CUL4B: variants seen among roughly 807,000 people sequenced by gnomAD.
CUL4B encodes cullin-4B.
CUL4B carries 1 observed loss-of-function variant against 69.2 expected under a neutral mutation model. That is an observed-to-expected ratio of 0.01 (90% confidence interval 0.01 to 0.07). CUL4B has a LOEUF of 0.07. Ranked by LOEUF, CUL4B falls within the 10% of genes least tolerant of loss-of-function variation. The pLI, the probability that CUL4B is intolerant of heterozygous loss-of-function variation, is 1.00. For synonymous variants in CUL4B, 237 were observed against 223.2 expected, an observed-to-expected ratio of 1.06 and a Z score of -0.55; for missense variants, 328 against 638.8, an observed-to-expected ratio of 0.51 and a Z score of 5.24.
At chrX:120,563,355 T>C (rs955192778), upstream of CUL4B, among the ~76,000 whole-genome samples, 2 of 112,122 alleles carry the variant, frequency 1.8e-5, no homozygotes. Context: ...TGCGTCAGCC[T>C]TCTTGAGTAC....
upstream of CUL4B, among the ~76,000 whole-genome samples, chrX:120,565,465 C>T (rs1275791713): frequency 9.2e-6 from 1 of 108,543 alleles, no homozygotes; most frequent in African/African-American, 3.4e-5. Context: ...GGGTGGATCA[C>T]TTGGCCAGGA....
At chrX:120,553,987 T>C (rs1924830462) in intron 2 of CUL4B, among the ~76,000 whole-genome samples, 1 of 111,662 alleles carries the variant, frequency 9.0e-6, no homozygotes. Flanking sequence ...TCAATTTCGC[T>C]AATGGTGTCT....
chrX:120,529,970 A>G, intron 19 of CUL4B, 132 bp downstream of exon 19: 1 of 688,690 alleles, frequency 1.5e-6, no homozygotes, highest in Non-Finnish European at 2.2e-6. Flanking sequence ...CATATGCATC[A>G]ACATGGGAAA....
downstream of CUL4B, among the ~76,000 whole-genome samples, chrX:120,569,953 A>G (rs1925667527): frequency 8.9e-6 from 1 of 111,927 alleles, no homozygotes; most frequent in African/African-American, 3.3e-5. Flanking sequence ...AGAGTAAGGC[A>G]CATTCAGGAC....
At chrX:120,545,151 T>G (rs937847092) in intron 5 of CUL4B, among the ~76,000 whole-genome samples, 1 of 112,004 alleles carries the variant, frequency 8.9e-6, no homozygotes, top group Non-Finnish European at 1.9e-5. Flanking sequence ...AGTGAACTCT[T>G]GATGGTCAGC....
At chrX:120,562,646 G>A (rs1925370742), upstream of CUL4B, among the ~76,000 whole-genome samples, 1 of 112,049 alleles carries the variant, frequency 8.9e-6, no homozygotes, top group Non-Finnish European at 1.9e-5. Flanking sequence ...TTTATGCTGT[G>A]TCTCAAAGTG....
chrX:120,540,430 T>A lies in CUL4B; in HGVS notation c.1576A>T (p.Met526Leu), dbSNP rs1923921519. Residue 526 changes from methionine to leucine, a missense_variant, in exon 11 of 20, where the codon ATG becomes TTG. Transcript: ENST00000371322. ...ATGAACGTTTCAAATGCTTCTTTCA[T>A]GGCATTGATAAATTTCTCATTCTTC... ...FLKNEKFINA[M>L]KEAFETFINK... is the part of the protein sequence containing the mutation. 1 of 1,207,585 alleles carries A rather than the reference T, an allele frequency of 8.3e-7. No individual in the cohort carries two copies. Among genetic ancestry groups the A allele is most frequent in the Non-Finnish European group, 1.1e-6 (1 of 892,875 alleles).
intron 10 of CUL4B, 39 bp from the exon 11 acceptor site, chrX:120,540,601 T>G (rs777992293): frequency 2.1e-6 from 2 of 971,579 alleles, no homozygotes; most frequent in African/African-American, 1.9e-5. Flanking sequence ...GTAATCGAAT[T>G]GTCTACAATG....
chrX:120,533,781 G>A (rs938690072), intron 17 of CUL4B, among the ~76,000 whole-genome samples: 8 of 111,740 alleles, frequency 7.2e-5, no homozygotes, highest in African/African-American at 2.6e-4. Context: ...TATATAAAGA[G>A]TTCTGGCCAG....
upstream of CUL4B, among the ~76,000 whole-genome samples, chrX:120,563,206 C>A (rs143430595): frequency 2.3e-3 from 261 of 111,860 alleles, 1 homozygote; most frequent in African/African-American, 8.0e-3. Context: ...GCACTCCTAT[C>A]TGTTTTGAAT....
Position 120,526,374 on chromosome X carries a change from G to A in CUL4B, c.*387C>T, listed in dbSNP as rs1209704908. ...TAAATAAAGTTTGCATGCAGTTTAA[G>A]TATCTTTAAATGACATTTTAAGCAA... On this transcript the variant is annotated 3_prime_UTR_variant, in exon 20 of 20. Coordinates refer to ENST00000371322, the MANE Select transcript of CUL4B (RefSeq NM_001079872.2). 1 of 163,162 alleles carries A rather than the reference G, an allele frequency of 6.1e-6. No individual in the cohort carries two copies. The highest frequency in any genetic ancestry group is 1.2e-5 in the Non-Finnish European group (1 of 85,807). 13.4% of individuals were successfully genotyped at this position (163,162 alleles called of 1,213,427 possible). A position where few individuals can be genotyped will look rare whatever the true frequency, so the allele number is the denominator to read the frequency against.
Position 120,560,490 on chromosome X carries a change from TTACTGCTGC to T in CUL4B, c.140_148del (p.Ser47_Ser49del), listed in dbSNP as rs777238263. The T allele has an allele frequency of 2.4e-5, 29 of 1,208,765 alleles. No individual in the cohort carries two copies. The highest frequency in any genetic ancestry group is 2.3e-4 in the Middle Eastern group (1 of 4,341). ...AAAGTCTTCTCTCTCGTTACTACTG[TTACTGCTGC>T]TACTGCTGCTGCTGTTTAACTTTCT... On this transcript the variant is annotated inframe_deletion, in exon 1 of 20. Transcript: ENST00000371322.
At chrX:120,538,247 T>C (rs1923783764) in intron 13 of CUL4B, 38 bp from the exon 14 acceptor site, 2 of 934,176 alleles carry the variant, frequency 2.1e-6, no homozygotes, top group South Asian at 4.2e-5. Flanking sequence ...TATTTTAAAG[T>C]GGTAAAAACA....
At chrX:120,537,590 C>G (rs1274879419) in intron 14 of CUL4B, among the ~76,000 whole-genome samples, 1 of 111,827 alleles carries the variant, frequency 8.9e-6, no homozygotes, top group Non-Finnish European at 1.9e-5. Context: ...TCTTTCACTT[C>G]CACTTCCCAC....
intron 2 of CUL4B, among the ~76,000 whole-genome samples, chrX:120,549,647 C>T (rs73639318): frequency 1.3e-4 from 15 of 111,527 alleles, no homozygotes; most frequent in African/African-American, 4.9e-4. Context: ...AACAGCAGGC[C>T]AATTAGATTG....
At chrX:120,554,864 A>G (rs1924878950) in intron 2 of CUL4B, among the ~76,000 whole-genome samples, 1 of 112,178 alleles carries the variant, frequency 8.9e-6, no homozygotes, top group South Asian at 3.6e-4. Context: ...ATGAGTCAAA[A>G]TCAAACAAGC....
chrX:120,541,111 G>T (rs1280802527), intron 10 of CUL4B, among the ~76,000 whole-genome samples: 2 of 112,487 alleles, frequency 1.8e-5, no homozygotes, highest in African/African-American at 3.2e-5. Flanking sequence ...CATCAATCAG[G>T]TTTTATAGCT....
At chrX:120,551,515 C>T (rs1219259907) in intron 2 of CUL4B, among the ~76,000 whole-genome samples, 1 of 111,258 alleles carries the variant, frequency 9.0e-6, no homozygotes, top group Non-Finnish European at 1.9e-5. Flanking sequence ...TAACCTTTCA[C>T]ACATCCTTTG....
At chrX:120,541,502 A>C (rs1357364508) in intron 10 of CUL4B, 100 bp downstream of exon 10, 1 of 655,812 alleles carries the variant, frequency 1.5e-6, no homozygotes, top group Non-Finnish European at 2.5e-6. Flanking sequence ...TCTGTCTCAA[A>C]AAAAAAAAAA....
Sources: allele counts gnomAD v4.1 joint callset (sites outside exome capture counted in the v4.1 genomes callset), GRCh38; gene constraint gnomAD v4.1.1; transcripts MANE v1.5; gene names NCBI Gene and HGNC (gene_info 2026-07-23, HGNC 2026-07-21).